RALGAPA2: variants seen among roughly 807,000 people sequenced by gnomAD.
The protein encoded by RALGAPA2 is Ral GTPase activating protein catalytic subunit alpha 2, also known as ral GTPase-activating protein subunit alpha-2.
A neutral mutation model predicts 230.4 loss-of-function variants in RALGAPA2; 139 were observed. That is an observed-to-expected ratio of 0.60 (90% CI 0.53 to 0.69). The LOEUF (loss-of-function observed/expected upper bound fraction) is 0.69, where lower values mean the gene tolerates loss of function less well. RALGAPA2 is among the 30% of genes least tolerant of loss of function. The probability of loss-of-function intolerance (pLI) is 0.00; values close to 1 mark genes in which losing one functional copy is unlikely to be tolerated. For synonymous variants in RALGAPA2, 847 were observed against 837.8 expected (o/e 1.01, Z -0.19); for missense variants, 2,163 against 2,276.0 (o/e 0.95, Z 1.01).
chr20:20,465,195 ACACT>A, intron 37 of RALGAPA2, among the ~76,000 whole-genome samples: 2 of 146,250 alleles, frequency 1.4e-5, no homozygotes, highest in African/African-American at 5.0e-5. Flanking sequence ...ACACACACAC[ACACT>A]CTCTCATACT....
rs556806892 is a variant in RALGAPA2 at position 20,625,602 on chromosome 20, G to C, written c.1233+3761C>G. On this transcript the variant is annotated intron_variant, in intron 10 of 39. Coordinates refer to ENST00000202677, the MANE Select transcript of RALGAPA2 (RefSeq NM_020343.4). ...GTATTGTACACACATAAATAAATTA[G>C]AAGTTTCACAAAGAAATAGTAATCC... 3.0e-4 allele frequency among the ~76,000 whole-genome samples: 45 copies of C among 152,042 alleles called. 1 individual carries two copies. The highest frequency in any genetic ancestry group is 6.6e-4 in the Admixed American group (10 of 15,260).
Position 20,712,513 on chromosome 20 carries a change from G to C in RALGAPA2, c.-33C>G. 1 of 1,534,260 alleles carries C rather than the reference G, an allele frequency of 6.5e-7. No individual in the cohort carries two copies. Among genetic ancestry groups the C allele is most frequent in the Non-Finnish European group, 8.8e-7 (1 of 1,140,086 alleles). On this transcript the variant is annotated 5_prime_UTR_variant, in exon 1 of 40. Transcript: ENST00000202677. The surrounding 1 kb of genome is among the most constrained non-coding windows in gnomAD (Gnocchi z 5.5). ...CAGGAAGCCCGGGCCCCGCCGGCGG[G>C]GCAGTAGGCGCCTGCGCCACGCGAA... is the stretch of plus-strand genomic sequence containing the variant.
chr20:20,493,059 T>C (rs527667465), intron 36 of RALGAPA2, among the ~76,000 whole-genome samples: 41 of 152,348 alleles, frequency 2.7e-4, no homozygotes, highest in African/African-American at 9.4e-4. Context: ...GCTAACATTA[T>C]GGATATAAAA....
rs760973393 is a variant in RALGAPA2 at position 20,605,194 on chromosome 20, T to C, written c.2019A>G (p.Glu673=). ...AAATACCTTTGCCTCGTTGCTTCTT[T>C]TCCTTTTGTTCACTTAATTTATCCA... ...LPLDKLSEQK[E]KKQRGKGCVL... is the part of the protein sequence containing the mutation. The change falls in exon 15 of 40, where the codon GAA becomes GAG. Residue 673 remains glutamate (E), a synonymous_variant. Coordinates refer to ENST00000202677, the MANE Select transcript of RALGAPA2 (RefSeq NM_020343.4). 10 of 1,611,134 alleles carry C rather than the reference T, an allele frequency of 6.2e-6. No homozygotes were observed. The Admixed American group carries it at 1.5e-4, about 24-fold the overall frequency.
At chr20:20,596,467 T>C (rs916063419) in intron 16 of RALGAPA2, among the ~76,000 whole-genome samples, 3 of 152,160 alleles carry the variant, frequency 2.0e-5, no homozygotes, top group Non-Finnish European at 4.4e-5. Flanking sequence ...GGGGTATGCC[T>C]ACATACTTGG....
At position 20,536,697 on chromosome 20, in the gene RALGAPA2, G is replaced by A; in HGVS notation, c.3373C>T (p.Pro1125Ser). ...CCTGTAATGGCCTCATTTACTTCTGGCACTGACTGCAGTAAAGGAATCTCC... is the reference window on the plus strand; with the variant it reads ...CCTGTAATGGCCTCATTTACTTCTGACACTGACTGCAGTAAAGGAATCTCC... ...YQEIPLLQSV[P>S]EVNEAITGTE... Residue 1125 changes from proline to serine, a missense_variant, in exon 25 of 40, where the codon CCA becomes TCA. By Grantham distance (74) the Pro-to-Ser change is moderately conservative. Coordinates refer to ENST00000202677, the MANE Select transcript of RALGAPA2 (RefSeq NM_020343.4). 6.2e-7 allele frequency: 1 copy of A among 1,612,940 alleles called. No homozygotes were observed. Among genetic ancestry groups the A allele is most frequent in the Non-Finnish European group, 8.5e-7 (1 of 1,179,234 alleles).
chr20:20,697,414 A>G (rs1289559964), intron 1 of RALGAPA2, among the ~76,000 whole-genome samples: 1 of 152,216 alleles, frequency 6.6e-6, no homozygotes, highest in Non-Finnish European at 1.5e-5. Context: ...ACAGAATGTC[A>G]TCTAAGGTTT....
At chr20:20,485,983 C>A (rs1016399359) in intron 36 of RALGAPA2, among the ~76,000 whole-genome samples, 3 of 151,970 alleles carry the variant, frequency 2.0e-5, no homozygotes, top group Non-Finnish European at 4.4e-5. Context: ...CTAGAAAAAA[C>A]ACAAAATTAG....
chr20:20,449,927 G>C (rs575872098), intron 37 of RALGAPA2, among the ~76,000 whole-genome samples: 5 of 152,332 alleles, frequency 3.3e-5, no homozygotes, highest in Admixed American at 2.6e-4. Context: ...TTAGAGGTCA[G>C]CAGTAGTCAA....
intron 24 of RALGAPA2, among the ~76,000 whole-genome samples, chr20:20,544,842 G>A (rs903566879): frequency 6.6e-6 from 1 of 151,934 alleles, no homozygotes; most frequent in African/African-American, 2.4e-5. Flanking sequence ...GACACAGCGA[G>A]GGGAATATCA....
chr20:20,422,382 T>C (rs906774218), intron 37 of RALGAPA2, among the ~76,000 whole-genome samples: 2 of 152,132 alleles, frequency 1.3e-5, no homozygotes, highest in Non-Finnish European at 2.9e-5. Context: ...GAAAATCGCT[T>C]GGGGCCAGGA....
Position 20,597,071 on chromosome 20 carries a change from C to T in RALGAPA2, c.2203+4611G>A, listed in dbSNP as rs143963829. ...AATATTGAATGAGAACAAAAGCTTCCAAAATTAAATTACTAATAGGAAGAG... is the reference window on the plus strand; with the variant it reads ...AATATTGAATGAGAACAAAAGCTTCTAAAATTAAATTACTAATAGGAAGAG... On this transcript the variant is annotated intron_variant, in intron 16 of 39. Coordinates refer to ENST00000202677, the MANE Select transcript of RALGAPA2 (RefSeq NM_020343.4). Among the ~76,000 whole-genome samples the T allele has an allele frequency of 7.2e-4, 109 of 151,910 alleles. 2 individuals carry two copies. In the East Asian group the frequency reaches 0.02, roughly 28 times the overall value.
intron 23 of RALGAPA2, among the ~76,000 whole-genome samples, chr20:20,552,516 A>G (rs1480599188): frequency 6.6e-6 from 1 of 152,220 alleles, no homozygotes; most frequent in African/African-American, 2.4e-5. Context: ...TTTATTTGGT[A>G]AAGAGGGGAA....
intron 33 of RALGAPA2, among the ~76,000 whole-genome samples, chr20:20,510,568 G>A (rs936544284): frequency 3.3e-5 from 5 of 151,902 alleles, no homozygotes; most frequent in Admixed American, 3.3e-4. Context: ...AAAGATTAAG[G>A]AGGCAGCTTA....
At chr20:20,675,251 A>C (rs1339047766) in intron 3 of RALGAPA2, among the ~76,000 whole-genome samples, 1 of 152,168 alleles carries the variant, frequency 6.6e-6, no homozygotes, top group Non-Finnish European at 1.5e-5. Flanking sequence ...TATAGCTCTC[A>C]AAGGAGAGAA....
intron 10 of RALGAPA2, 31 bp downstream of exon 10, chr20:20,629,320 AACACACACACAC>A (rs11467035): frequency 0.023 from 24,774 of 1,100,176 alleles, 341 homozygotes; most frequent in African/African-American, 0.099. Context: ...AAGAACTTGT[AACACACACACAC>A]ACACACACAC....
intron 1 of RALGAPA2, among the ~76,000 whole-genome samples, chr20:20,709,423 G>C (rs2069753200): frequency 6.6e-6 from 1 of 152,152 alleles, no homozygotes; most frequent in Admixed American, 6.5e-5. Flanking sequence ...GGAGGCCAAG[G>C]CTGCAGCAGT....
chr20:20,407,306 A>G (rs2059966779), intron 38 of RALGAPA2, among the ~76,000 whole-genome samples: 1 of 152,230 alleles, frequency 6.6e-6, no homozygotes, highest in African/African-American at 2.4e-5. Flanking sequence ...GAGGGAATGA[A>G]TATGAATGTG....
chr20:20,512,118 G>A (rs2062722219), intron 32 of RALGAPA2, among the ~76,000 whole-genome samples: 1 of 151,822 alleles, frequency 6.6e-6, no homozygotes, highest in African/African-American at 2.4e-5. Flanking sequence ...AACCCAGGAG[G>A]CGGAGGTTGC....
Sources: allele counts gnomAD v4.1 joint callset (sites outside exome capture counted in the v4.1 genomes callset), GRCh38; gene constraint gnomAD v4.1.1; non-coding constraint Gnocchi (gnomAD v3.1); transcripts MANE v1.5; gene names NCBI Gene and HGNC (gene_info 2026-07-23, HGNC 2026-07-21).